The following AKR1D1 variants were observed in gnomAD, a reference collection of about 807,000 sequenced individuals.
AKR1D1 encodes aldo-keto reductase family 1 member D1.
A neutral mutation model predicts 42.6 loss-of-function variants in AKR1D1; 32 were observed. That is an observed-to-expected ratio of 0.75 (90% CI 0.57 to 1.01). The LOEUF (loss-of-function observed/expected upper bound fraction) is 1.01, where lower values mean the gene tolerates loss of function less well. Ranked by LOEUF, AKR1D1 falls within the 50% of genes least tolerant of loss-of-function variation. The probability of loss-of-function intolerance (pLI) is 0.00; values close to 1 mark genes in which losing one functional copy is unlikely to be tolerated. For missense variants in AKR1D1, 364 were observed against 402.2 expected (o/e 0.91, Z 0.81); for synonymous variants, 123 against 135.5 (o/e 0.91, Z 0.64).
chr7:138,093,013 A>AT (rs1383465602), intron 3 of AKR1D1, among the ~76,000 whole-genome samples: 1 of 151,854 alleles, frequency 6.6e-6, no homozygotes, highest in African/African-American at 2.4e-5. Flanking sequence ...AAATGTTTTA[A>AT]TTTTTTAACT....
At chr7:138,110,680 G>T (rs1021723721) in intron 7 of AKR1D1, among the ~76,000 whole-genome samples, 6 of 152,110 alleles carry the variant, frequency 3.9e-5, no homozygotes, top group African/African-American at 1.4e-4. Context: ...TTGAACTAGG[G>T]ATGCGGAGTT....
At chr7:138,081,435 C>CCTCTTTCT (rs1452422042) in intron 1 of AKR1D1, among the ~76,000 whole-genome samples, 1 of 150,142 alleles carries the variant, frequency 6.7e-6, no homozygotes, top group Non-Finnish European at 1.5e-5. Flanking sequence ...AGTGTATCAC[C>CCTCTTTCT]CTCTTTCTTC....
At position 138,117,035 on chromosome 7, in the gene AKR1D1, G is replaced by A. The variant is rs564875098; in HGVS notation, c.*373G>A. ...GTTCTTTAAGGGTTAACAGGACAAC[G>A]AAGTGCATGTGGCAGTGTGCTGGCA... On this transcript the variant is annotated 3_prime_UTR_variant, in exon 9 of 9. Coordinates refer to ENST00000242375, the MANE Select transcript of AKR1D1 (RefSeq NM_005989.4). The A allele has an allele frequency of 1.7e-4, 36 of 206,952 alleles. No individual in the cohort carries two copies. Among genetic ancestry groups the A allele is most frequent in the Non-Finnish European group, 3.4e-4 (35 of 101,758 alleles). 12.8% of individuals were successfully genotyped at this position (206,952 alleles called of 1,614,324 possible). A position where few individuals can be genotyped will look rare whatever the true frequency, so the allele number is the denominator to read the frequency against.
In AKR1D1 at chr7:138,106,540, T is replaced by A. The variant is rs903031929; in HGVS notation, c.580-68T>A. The A allele has an allele frequency of 1.9e-5, 23 of 1,200,252 alleles. No homozygotes were observed. The Admixed American group carries it at 2.9e-4, about 15-fold the overall frequency. 74.4% of individuals were successfully genotyped at this position (1,200,252 alleles called of 1,614,324 possible). A position where few individuals can be genotyped will look rare whatever the true frequency, so the allele number is the denominator to read the frequency against. ...ATGGATTTTATTGAAGAATTTTTTT[T>A]AACAGTACAATTGCATTCAACAACG... On this transcript the variant is annotated intron_variant, in intron 5 of 8. Coordinates refer to ENST00000242375, the MANE Select transcript of AKR1D1 (RefSeq NM_005989.4).
intron 1 of AKR1D1, among the ~76,000 whole-genome samples, chr7:138,078,262 A>G (rs1183594070): frequency 2.0e-5 from 3 of 152,170 alleles, no homozygotes; most frequent in African/African-American, 4.8e-5. Context: ...ATGCTCAGCC[A>G]GGAGTTGGAA....
At chr7:138,100,250 A>G (rs1794270263) in intron 4 of AKR1D1, among the ~76,000 whole-genome samples, 1 of 152,066 alleles carries the variant, frequency 6.6e-6, no homozygotes, top group Non-Finnish European at 1.5e-5. Flanking sequence ...ACAGATGAGA[A>G]AAGTAGCAAA....
chr7:138,095,165 T>C (rs1794160428), intron 3 of AKR1D1, among the ~76,000 whole-genome samples: 1 of 152,220 alleles, frequency 6.6e-6, no homozygotes, highest in Non-Finnish European at 1.5e-5. Context: ...GATAACCACC[T>C]GATTAGAATC....
intron 1 of AKR1D1, 124 bp from the exon 2 acceptor site, chr7:138,088,477 G>A: frequency 1.7e-6 from 2 of 1,184,784 alleles, no homozygotes; most frequent in Non-Finnish European, 2.5e-6. Flanking sequence ...AATCACAACA[G>A]CAAGGAATTG....
rs182534921 is a variant in AKR1D1 at position 138,091,760 on chromosome 7, T to A, written c.262-8T>A. The A allele has an allele frequency of 1.4e-5, 23 of 1,594,554 alleles. No homozygotes were observed. Among genetic ancestry groups the A allele is most frequent in the Admixed American group, 6.7e-5 (4 of 59,996 alleles). ...CATTAGTTAATTCTCCCTCTTTGAT[T>A]CTTTCAGCTATGGGCTACAAATCAT... On this transcript the variant is annotated splice_region_variant and splice_polypyrimidine_tract_variant and intron_variant, in intron 2 of 8. Transcript: ENST00000242375.
chr7:138,117,370 A>C lies in AKR1D1; in HGVS notation c.*708A>C, dbSNP rs1460362438. The C allele has an allele frequency of 2.0e-5, 3 of 152,630 alleles. No homozygotes were observed. The highest frequency in any genetic ancestry group is 4.4e-5 in the Non-Finnish European group (3 of 68,042). 9.5% of individuals were successfully genotyped at this position (152,630 alleles called of 1,614,324 possible). ...CTGCTGATCCATACTTACACATCTT[A>C]CTGTCAATCTTGCCTACATTGATTA... On this transcript the variant is annotated 3_prime_UTR_variant, in exon 9 of 9. Coordinates refer to ENST00000242375, the MANE Select transcript of AKR1D1 (RefSeq NM_005989.4).
chr7:138,076,954 G>A (rs757812371), intron 1 of AKR1D1, among the ~76,000 whole-genome samples: 16 of 151,996 alleles, frequency 1.1e-4, no homozygotes, highest in Admixed American at 7.9e-4. Flanking sequence ...ATAATTTTTA[G>A]TTCAGTCTAA....
intron 2 of AKR1D1, 34 bp downstream of exon 2, chr7:138,088,802 G>A: frequency 1.3e-6 from 2 of 1,564,056 alleles, no homozygotes; most frequent in Non-Finnish European, 1.7e-6. Flanking sequence ...ACTGGGGACA[G>A]TGAGAAGGTT....
At chr7:138,077,075 C>A (rs1802953703) in intron 1 of AKR1D1, among the ~76,000 whole-genome samples, 1 of 152,060 alleles carries the variant, frequency 6.6e-6, no homozygotes, top group Non-Finnish European at 1.5e-5. Context: ...ATAGAGGGGG[C>A]AGATTCTTGA....
chr7:138,109,617 G>A (rs941371689), intron 7 of AKR1D1, among the ~76,000 whole-genome samples: 2 of 152,122 alleles, frequency 1.3e-5, no homozygotes, highest in Non-Finnish European at 2.9e-5. Context: ...CTAGAAGGGG[G>A]AAGGAAAGTT....
intron 1 of AKR1D1, among the ~76,000 whole-genome samples, chr7:138,078,250 CTA>C (rs1802983129): frequency 6.6e-6 from 1 of 152,182 alleles, no homozygotes; most frequent in Non-Finnish European, 1.5e-5. Flanking sequence ...GCGTGAGACA[CTA>C]TGCTCAGCCA....
intron 3 of AKR1D1, among the ~76,000 whole-genome samples, chr7:138,095,767 C>T (rs530691821): frequency 1.3e-4 from 19 of 150,504 alleles, no homozygotes; most frequent in Non-Finnish European, 2.2e-4. Context: ...CTCAGCTGAT[C>T]GGCCCACCTT....
At chr7:138,100,109 A>AAAAAAAAAC in intron 4 of AKR1D1, among the ~76,000 whole-genome samples, 1 of 145,594 alleles carries the variant, frequency 6.9e-6, no homozygotes, top group Non-Finnish European at 1.5e-5. Flanking sequence ...AAAAAAAAAA[A>AAAAAAAAAC]AAAAAAAAAC....
At chr7:138,100,241 C>G (rs1349189531) in intron 4 of AKR1D1, among the ~76,000 whole-genome samples, 1 of 146,896 alleles carries the variant, frequency 6.8e-6, no homozygotes, top group Non-Finnish European at 1.5e-5. Context: ...GGGCAATAAA[C>G]AGATGAGAAA....
intron 7 of AKR1D1, among the ~76,000 whole-genome samples, chr7:138,113,453 G>A (rs1320056262): frequency 1.3e-5 from 2 of 152,128 alleles, no homozygotes; most frequent in Non-Finnish European, 2.9e-5. Context: ...ATTAACATTT[G>A]TGGTTTCAGA....
Sources: gnomAD v4.1 joint callset for allele counts (sites outside exome capture counted in the v4.1 genomes callset) on GRCh38, gnomAD v4.1.1 for gene constraint, MANE v1.5 for transcripts, NCBI Gene and HGNC (gene_info 2026-07-23, HGNC 2026-07-21) for gene names.